Variants in TNFRSF11B observed in about 807,000 individuals in gnomAD.
TNFRSF11B encodes TNF receptor superfamily member 11b, also known as tumor necrosis factor receptor superfamily member 11B.
A neutral mutation model predicts 43.4 loss-of-function variants in TNFRSF11B; 16 were observed. The ratio of observed to expected loss-of-function variants is 0.37; its 90% CI spans 0.25 to 0.56. The LOEUF (loss-of-function observed/expected upper bound fraction) is 0.56, where lower values mean the gene tolerates loss of function less well. TNFRSF11B is among the 20% of genes least tolerant of loss of function. The pLI is 0.80. For synonymous variants in TNFRSF11B, 185 were observed against 181.8 expected, an observed-to-expected ratio of 1.02 and a Z score of -0.14; for missense variants, 444 against 490.1, an observed-to-expected ratio of 0.91 and a Z score of 0.89.
chr8:118,936,108 G>T (rs1812402807), intron 1 of TNFRSF11B, among the ~76,000 whole-genome samples: 1 of 152,130 alleles, frequency 6.6e-6, no homozygotes, highest in Non-Finnish European at 1.5e-5. Context: ...ACATGATATT[G>T]TTGGTTTCCC....
Position 118,951,801 on chromosome 8 carries a change from G to A in TNFRSF11B, c.21C>T (p.Cys7=), listed in dbSNP as rs373330021. MNNLLC[C]ALVFLDISIK... is the part of the protein sequence containing the mutation. ...TGGCCCAGGGACTTACCACGAGCGCGCAGCACAGCAAGTTGTTCATTGTGG... is the reference window on the plus strand; with the variant it reads ...TGGCCCAGGGACTTACCACGAGCGCACAGCACAGCAAGTTGTTCATTGTGG... Residue 7 remains cysteine, a synonymous_variant, in exon 1 of 5, where the codon TGC becomes TGT. Coordinates refer to ENST00000297350, the MANE Select transcript of TNFRSF11B (RefSeq NM_002546.4). The A allele has an allele frequency of 1.5e-4, 242 of 1,593,062 alleles. 4 individuals carry two copies. In the East Asian group the frequency reaches 5.3e-3, roughly 35 times the overall value.
intron 1 of TNFRSF11B, among the ~76,000 whole-genome samples, chr8:118,947,401 A>T (rs2129925392): frequency 6.6e-6 from 1 of 152,308 alleles, no homozygotes; most frequent in South Asian, 2.1e-4. Context: ...GCTACAAATG[A>T]ACAAGATGAA....
chr8:118,928,234 C>G (rs1812274213), intron 3 of TNFRSF11B, among the ~76,000 whole-genome samples: 1 of 152,004 alleles, frequency 6.6e-6, no homozygotes, highest in Non-Finnish European at 1.5e-5. Context: ...GTTGGTCAGG[C>G]TGGTCTTGAA....
chr8:118,937,788 A>G (rs1812423928), intron 1 of TNFRSF11B, among the ~76,000 whole-genome samples: 1 of 152,218 alleles, frequency 6.6e-6, no homozygotes, highest in South Asian at 2.1e-4. Context: ...AATTAGTTTC[A>G]TAAATATCTT....
chr8:118,932,211 AC>A (rs1185428377), intron 2 of TNFRSF11B, among the ~76,000 whole-genome samples: 1 of 152,232 alleles, frequency 6.6e-6, no homozygotes, highest in African/African-American at 2.4e-5. Flanking sequence ...GCAGAAAAAA[AC>A]GTGGGTTACT....
At position 118,936,516 on chromosome 8, in the gene TNFRSF11B, C is replaced by T. The variant is rs373939283; in HGVS notation, c.31-3216G>A. Among the ~76,000 whole-genome samples, 6 of 152,260 alleles carry T rather than the reference C, an allele frequency of 3.9e-5. No individual in the cohort carries two copies. The South Asian group carries it at 6.2e-4, about 16-fold the overall frequency. ...ATAGAGCTCTTCATCTCAGTCCTTT[C>T]TCTCGGTTTCTTCTGCTTATTTCCT... On this transcript the variant is annotated intron_variant, in intron 1 of 4. Transcript: ENST00000297350.
chr8:118,937,334 C>A (rs1403495824), intron 1 of TNFRSF11B, among the ~76,000 whole-genome samples: 1 of 152,146 alleles, frequency 6.6e-6, no homozygotes, highest in Admixed American at 6.5e-5. Flanking sequence ...CTTGTTCCAC[C>A]TTGTTTTATT....
At position 118,924,440 on chromosome 8, in the gene TNFRSF11B, C is replaced by G. The variant is rs751356592; in HGVS notation, c.1140G>C (p.Leu380Phe). Residue 380 changes from leucine (L) to phenylalanine (F), a missense_variant, in exon 5 of 5, where the codon TTG becomes TTC. Leu to Phe is a conservative substitution (Grantham distance 22). Transcript: ENST00000297350. ...RFLHSFTMYK[L>F]YQKLFLEMIG... is the part of the protein sequence containing the mutation. ...TCATTTCTAAAAATAACTTCTGATACAATTTGTACATTGTGAAGCTGTGAA... is the reference window on the plus strand; with the variant it reads ...TCATTTCTAAAAATAACTTCTGATAGAATTTGTACATTGTGAAGCTGTGAA... 2.5e-6 allele frequency: 4 copies of G among 1,614,002 alleles called. No homozygotes were observed. In the African/African-American group the frequency reaches 5.3e-5, roughly 22 times the overall value.
chr8:118,930,793 G>C (rs1232205752), intron 2 of TNFRSF11B: 2 of 438,626 alleles, frequency 4.6e-6, no homozygotes, highest in African/African-American at 4.0e-5. Flanking sequence ...ATATGTGTCA[G>C]ATATTTCTTT....
chr8:118,933,117 C>T lies in TNFRSF11B; in HGVS notation c.214G>A (p.Asp72Asn). ...CAPCPDHYYT[D>N]SWHTSDECLY... ...CACTCGTCACTGGTGTGCCAGCTGTCTGTGTAGTAGTGGTCAGGGCAAGGG... is the reference window on the plus strand; with the variant it reads ...CACTCGTCACTGGTGTGCCAGCTGTTTGTGTAGTAGTGGTCAGGGCAAGGG... Residue 72 changes from aspartate (D) to asparagine (N), a missense_variant, in exon 2 of 5, where the codon GAC (aspartate) becomes AAC (asparagine). Coordinates refer to ENST00000297350, the MANE Select transcript of TNFRSF11B (RefSeq NM_002546.4). 6.2e-7 allele frequency: 1 copy of T among 1,614,184 alleles called. No homozygotes were observed. Among genetic ancestry groups the T allele is most frequent in the Non-Finnish European group, 8.5e-7 (1 of 1,180,046 alleles).
intron 1 of TNFRSF11B, among the ~76,000 whole-genome samples, chr8:118,945,711 A>AT (rs752347735): frequency 8.5e-5 from 13 of 152,056 alleles, no homozygotes; most frequent in Non-Finnish European, 1.5e-4. Flanking sequence ...AAAAGAAATC[A>AT]TTTTTTTGGA....
In TNFRSF11B at chr8:118,935,682, T is replaced by G. The variant is rs147756437; in HGVS notation, c.31-2382A>C. Among the ~76,000 whole-genome samples the G allele has an allele frequency of 2.4e-3, 367 of 152,310 alleles. 1 individual carries two copies. Among genetic ancestry groups the G allele is most frequent in the Non-Finnish European group, 4.1e-3 (278 of 68,028 alleles). On this transcript the variant is annotated intron_variant, in intron 1 of 4. Coordinates refer to ENST00000297350, the MANE Select transcript of TNFRSF11B (RefSeq NM_002546.4). The stretch of plus-strand genomic sequence containing the variant: ...ATATTATAAAATGAGGATTTCCTGA[T>G]TCAACTTGCAAAAACATGTGAAAGT...
chr8:118,933,052 G>T lies in TNFRSF11B; in HGVS notation c.279C>A (p.Val93=), dbSNP rs748687558. 6.2e-7 allele frequency: 1 copy of T among 1,614,166 alleles called. No individual in the cohort carries two copies. Reference sequence around the variant, plus strand: ...TGTGGGTGCGATTGCACTCCTGCTTGACGTACTGCAGCTCCTTGCACACGG... The same window carrying T: ...TGTGGGTGCGATTGCACTCCTGCTTTACGTACTGCAGCTCCTTGCACACGG... The part of the protein sequence containing the change: ...CSPVCKELQY[V]KQECNRTHNR... The change falls in exon 2 of 5, where the codon GTC becomes GTA. Residue 93 remains valine, a synonymous_variant. Transcript: ENST00000297350.
chr8:118,947,815 G>C (rs957204122), intron 1 of TNFRSF11B, among the ~76,000 whole-genome samples: 2 of 152,172 alleles, frequency 1.3e-5, no homozygotes, highest in African/African-American at 4.8e-5. Flanking sequence ...TGCTAACCAT[G>C]TTTTTGAGTC....
chr8:118,945,260 G>A (rs779309366), intron 1 of TNFRSF11B, among the ~76,000 whole-genome samples: 6 of 131,182 alleles, frequency 4.6e-5, no homozygotes, highest in Admixed American at 7.7e-5. Context: ...TGTTTTGAGC[G>A]GGAAATAATG....
intron 1 of TNFRSF11B, among the ~76,000 whole-genome samples, chr8:118,940,248 G>T (rs1329667456): frequency 6.6e-6 from 1 of 152,152 alleles, no homozygotes; most frequent in Non-Finnish European, 1.5e-5. Flanking sequence ...GTTGATGGGT[G>T]CAGCAAACCA....
chr8:118,941,739 A>G (rs1812491026), intron 1 of TNFRSF11B, among the ~76,000 whole-genome samples: 1 of 151,730 alleles, frequency 6.6e-6, no homozygotes, highest in Admixed American at 6.6e-5. Context: ...AAAAACAAAA[A>G]CAAGAAAATC....
chr8:118,951,798 C>T lies in TNFRSF11B; in HGVS notation c.24G>A (p.Ala8=), dbSNP rs1812651346. ...GGCTGGCCCAGGGACTTACCACGAG[C>T]GCGCAGCACAGCAAGTTGTTCATTG... MNNLLCC[A]LVFLDISIKW... The change falls in exon 1 of 5, where the codon GCG becomes GCA. Residue 8 remains alanine, a synonymous_variant. Coordinates refer to ENST00000297350, the MANE Select transcript of TNFRSF11B (RefSeq NM_002546.4). 1.3e-6 allele frequency: 2 copies of T among 1,592,956 alleles called. No homozygotes were observed. Among genetic ancestry groups the T allele is most frequent in the South Asian group, 2.3e-5 (2 of 87,406 alleles).
chr8:118,933,448 G>T, intron 1 of TNFRSF11B, 148 bp from the exon 2 acceptor site: 1 of 1,108,722 alleles, frequency 9.0e-7, no homozygotes, highest in Non-Finnish European at 1.3e-6. Flanking sequence ...CATAATTTTT[G>T]CCTCCGGGAG....
Sources: allele counts gnomAD v4.1 joint callset (sites outside exome capture counted in the v4.1 genomes callset), GRCh38; gene constraint gnomAD v4.1.1; transcripts MANE v1.5; gene names NCBI Gene and HGNC (gene_info 2026-07-23, HGNC 2026-07-21).